Variants in AOPEP observed in about 807,000 individuals in gnomAD.
AOPEP encodes aminopeptidase O.
In AOPEP, 77 loss-of-function variants were observed where a neutral mutation model predicts 98.1. That is an observed-to-expected ratio of 0.78 (90% confidence interval 0.65 to 0.95). AOPEP has a LOEUF of 0.95. AOPEP is among the 40% of genes least tolerant of loss of function. The pLI, the probability that AOPEP is intolerant of heterozygous loss-of-function variation, is 0.00. For synonymous variants in AOPEP, 346 were observed against 365.3 expected, an observed-to-expected ratio of 0.95 and a Z score of 0.60; for missense variants, 1,024 against 1,024.7, an observed-to-expected ratio of 1.00 and a Z score of 0.01.
At chr9:94,826,388 C>T (rs982206255) in intron 5 of AOPEP, among the ~76,000 whole-genome samples, 2 of 152,190 alleles carry the variant, frequency 1.3e-5, no homozygotes, top group African/African-American at 4.8e-5. Flanking sequence ...AGCACAGGTA[C>T]AGAGCTATAA....
intron 3 of AOPEP, among the ~76,000 whole-genome samples, chr9:94,781,585 G>A (rs1843257461): frequency 6.7e-6 from 1 of 149,224 alleles, no homozygotes; most frequent in South Asian, 2.1e-4. Context: ...TTTTGAGACA[G>A]AGTCTCATTC....
At chr9:95,086,002 G>A in intron 16 of AOPEP, 1 of 1,365,840 alleles carries the variant, frequency 7.3e-7, no homozygotes, top group Non-Finnish European at 9.8e-7. Flanking sequence ...GCTTCTCCGG[G>A]CTGTCGATTG....
chr9:95,056,100 C>T (rs754509746), intron 13 of AOPEP, among the ~76,000 whole-genome samples: 80 of 152,110 alleles, frequency 5.3e-4, no homozygotes, highest in Non-Finnish European at 9.6e-4. Flanking sequence ...CCCATTGATC[C>T]GCTTTTAGTC....
At chr9:94,744,047 A>G (rs555655655) in intron 1 of AOPEP, among the ~76,000 whole-genome samples, 4 of 152,240 alleles carry the variant, frequency 2.6e-5, no homozygotes, top group South Asian at 2.1e-4. Flanking sequence ...TAACAAGGCA[A>G]TGGTGGGGAG....
At chr9:94,796,253 CTG>C (rs143764270) in intron 4 of AOPEP, among the ~76,000 whole-genome samples, 5,773 of 152,312 alleles carry the variant, frequency 0.038, 345 homozygotes, top group African/African-American at 0.13. Flanking sequence ...GTCCAATAAA[CTG>C]TGACTGAGTT....
At chr9:95,124,358 A>G in the AOPEP span, among the ~76,000 whole-genome samples, 1 of 152,160 alleles carries the variant, frequency 6.6e-6, no homozygotes, top group Non-Finnish European at 1.5e-5. Context: ...CCAAATATAT[A>G]TGCTGAAAGG....
chr9:94,796,657 T>G (rs1222346645), intron 4 of AOPEP, among the ~76,000 whole-genome samples: 1 of 152,248 alleles, frequency 6.6e-6, no homozygotes. Flanking sequence ...TGTTGGTCAC[T>G]GAACTTTTAT....
intron 5 of AOPEP, among the ~76,000 whole-genome samples, chr9:94,808,819 G>A (rs910916876): frequency 1.3e-5 from 2 of 152,252 alleles, no homozygotes; most frequent in African/African-American, 2.4e-5. Flanking sequence ...CCCTTGGCCT[G>A]TGCTCCTTGG....
chr9:94,896,202 A>C (rs1004774975), intron 5 of AOPEP, among the ~76,000 whole-genome samples: 1 of 152,354 alleles, frequency 6.6e-6, no homozygotes, highest in African/African-American at 2.4e-5. Flanking sequence ...CTTCTTAAAA[A>C]TCATTCATTT....
At chr9:95,121,405 G>T in the AOPEP span, among the ~76,000 whole-genome samples, 4 of 152,200 alleles carry the variant, frequency 2.6e-5, no homozygotes, top group African/African-American at 9.7e-5. Context: ...GTGGATTTAT[G>T]GGATCACTCA....
At chr9:94,908,533 G>A (rs2051515951) in intron 5 of AOPEP, among the ~76,000 whole-genome samples, 1 of 152,178 alleles carries the variant, frequency 6.6e-6, no homozygotes, top group Admixed American at 6.5e-5. Flanking sequence ...TGCGTGCCAG[G>A]TACTGGGCTG....
chr9:95,122,596 C>T, the AOPEP span, among the ~76,000 whole-genome samples: 2 of 152,188 alleles, frequency 1.3e-5, no homozygotes, highest in African/African-American at 2.4e-5. Context: ...TCCTTAGATA[C>T]GTATGCCTGG....
At chr9:95,118,173 C>T in the AOPEP span, among the ~76,000 whole-genome samples, 2 of 152,272 alleles carry the variant, frequency 1.3e-5, no homozygotes, top group Non-Finnish European at 2.9e-5. Flanking sequence ...CACATGCCAC[C>T]ACACCTGGCT....
chr9:94,977,840 A>C (rs2059945063), intron 10 of AOPEP, among the ~76,000 whole-genome samples: 1 of 152,200 alleles, frequency 6.6e-6, no homozygotes. Flanking sequence ...TTGCCTGCTA[A>C]TCACACAGAG....
intron 9 of AOPEP, among the ~76,000 whole-genome samples, chr9:94,961,021 A>AAAAAG (rs1375305252): frequency 6.6e-6 from 1 of 151,912 alleles, no homozygotes; most frequent in Non-Finnish European, 1.5e-5. Flanking sequence ...CTCAAAAAAA[A>AAAAAG]AAAAAAAAGA....
Position 94,760,524 on chromosome 9 carries a change from G to C in AOPEP, c.741G>C (p.Trp247Cys). 6.3e-7 allele frequency: 1 copy of C among 1,590,330 alleles called. No individual in the cohort carries two copies. Among genetic ancestry groups the C allele is most frequent in the Non-Finnish European group, 8.5e-7 (1 of 1,171,292 alleles). The change falls in exon 2 of 17, where the codon TGG becomes TGC. Residue 247 changes from tryptophan (W) to cysteine (C), a missense_variant. Physicochemically the swap from Trp to Cys is radical, Grantham distance 215. This residue lies in a region of AOPEP where 440 missense variants were observed against 433.8 expected (regional missense o/e 1.01). Transcript: ENST00000375315. ...ATDFPHAIRIWYKTKPEGRSV... is the reference protein window; with the variant it reads ...ATDFPHAIRICYKTKPEGRSV... The stretch of plus-strand genomic sequence containing the variant: ...ACTTTCCTCATGCTATCAGGATATG[G>C]TACAAAACTAAACCTGAAGGGCGAT...
intron 14 of AOPEP, among the ~76,000 whole-genome samples, chr9:95,066,969 T>G (rs966367247): frequency 6.6e-6 from 1 of 152,228 alleles, no homozygotes; most frequent in African/African-American, 2.4e-5. Context: ...CAACTTTCTT[T>G]GAACATTGCC....
At chr9:95,106,632 A>G in the AOPEP span, among the ~76,000 whole-genome samples, 1 of 152,168 alleles carries the variant, frequency 6.6e-6, no homozygotes, top group African/African-American at 2.4e-5. Flanking sequence ...TTTGTAATAA[A>G]CCAATTTTTT....
intron 5 of AOPEP, among the ~76,000 whole-genome samples, chr9:94,850,034 C>CA (rs11309177): frequency 2.3e-4 from 26 of 113,198 alleles, no homozygotes; most frequent in South Asian, 9.4e-4. Context: ...GATTCCATCT[C>CA]AAAAAAAAAA....
Sources: gnomAD v4.1 joint callset for allele counts (sites outside exome capture counted in the v4.1 genomes callset) on GRCh38, gnomAD v4.1.1 for gene constraint, gnomAD v4.1.1 regional missense constraint, MANE v1.5 for transcripts, NCBI Gene and HGNC (gene_info 2026-07-23, HGNC 2026-07-21) for gene names.